Variants in BOLL observed in about 807,000 individuals in gnomAD.
BOLL encodes boule RNA binding protein.
A neutral mutation model predicts 44.4 loss-of-function variants in BOLL; 23 were observed. That is an observed-to-expected ratio of 0.52 (90% CI 0.37 to 0.73). The LOEUF (loss-of-function observed/expected upper bound fraction) is 0.73, where lower values mean the gene tolerates loss of function less well. Among genes scored for constraint, BOLL ranks in the 30% least tolerant of loss-of-function variants. BOLL has a pLI of 0.00. For synonymous variants in BOLL, 97 were observed against 110.8 expected (o/e 0.88, Z 0.78); for missense variants, 287 against 338.3 (o/e 0.85, Z 1.19).
upstream of BOLL, among the ~76,000 whole-genome samples, chr2:197,785,723 C>G (rs963264916): frequency 5.9e-5 from 9 of 152,218 alleles, 1 homozygote; most frequent in African/African-American, 1.7e-4. This position sits in a 1 kb window ranked among gnomAD's most constrained non-coding sequence, Gnocchi z 6.7. Flanking sequence ...GAAACATCCA[C>G]GCCTGAGGTC....
chr2:197,765,257 C>T (rs1057079998), intron 7 of BOLL, among the ~76,000 whole-genome samples: 8 of 151,536 alleles, frequency 5.3e-5, no homozygotes, highest in African/African-American at 1.9e-4. Context: ...ATGGGTGCAT[C>T]AAAATCTCAC....
chr2:197,768,061 T>C (rs1689075885), intron 6 of BOLL, among the ~76,000 whole-genome samples: 1 of 152,062 alleles, frequency 6.6e-6, no homozygotes, highest in Admixed American at 6.6e-5. Context: ...AGATTATCAC[T>C]ATTGAAAAAT....
At chr2:197,754,646 G>A (rs1228762240) in intron 9 of BOLL, among the ~76,000 whole-genome samples, 1 of 151,838 alleles carries the variant, frequency 6.6e-6, no homozygotes, top group Non-Finnish European at 1.5e-5. Context: ...CCTGGGAGGT[G>A]GAGGTTGCAG....
At chr2:197,775,783 A>G (rs1383056971) in intron 4 of BOLL, 43 bp from the exon 5 acceptor site, 1 of 1,190,332 alleles carries the variant, frequency 8.4e-7, no homozygotes, top group East Asian at 2.7e-5. Flanking sequence ...TTTTAGCACT[A>G]TTATTTATAA....
chr2:197,751,903 A>T (rs1688276940), intron 9 of BOLL, among the ~76,000 whole-genome samples: 1 of 152,156 alleles, frequency 6.6e-6, no homozygotes, highest in Non-Finnish European at 1.5e-5. Context: ...AATCCTCAAT[A>T]AAATACTGGC....
At chr2:197,783,338 T>A (rs1403108407) in intron 1 of BOLL, among the ~76,000 whole-genome samples, 1 of 152,180 alleles carries the variant, frequency 6.6e-6, no homozygotes, top group Non-Finnish European at 1.5e-5. Context: ...ATAATTCCAA[T>A]TCTCTGAGAA....
chr2:197,731,788 C>A (rs1352988019), intron 10 of BOLL, among the ~76,000 whole-genome samples: 2 of 151,252 alleles, frequency 1.3e-5, no homozygotes, highest in African/African-American at 4.9e-5. Context: ...CACAACATAC[C>A]AGAATCTCTG....
chr2:197,764,925 T>TCCACTGAG (rs1351272757), intron 7 of BOLL, among the ~76,000 whole-genome samples: 1 of 151,904 alleles, frequency 6.6e-6, no homozygotes, highest in Non-Finnish European at 1.5e-5. Context: ...ACAGATGTTT[T>TCCACTGAG]CCACTGAGCA....
chr2:197,739,330 T>C (rs886925916), intron 10 of BOLL, among the ~76,000 whole-genome samples: 1 of 152,188 alleles, frequency 6.6e-6, no homozygotes, highest in Non-Finnish European at 1.5e-5. Flanking sequence ...GGCGTGATCA[T>C]AGCTCACTGT....
chr2:197,751,894 A>G (rs1688276405), intron 9 of BOLL, among the ~76,000 whole-genome samples: 1 of 152,172 alleles, frequency 6.6e-6, no homozygotes, highest in Non-Finnish European at 1.5e-5. Flanking sequence ...CGAAGCAAAA[A>G]TCCTCAATAA....
intron 10 of BOLL, among the ~76,000 whole-genome samples, chr2:197,738,688 A>G (rs1475470800): frequency 6.6e-6 from 1 of 152,164 alleles, no homozygotes; most frequent in Non-Finnish European, 1.5e-5. Context: ...AACATTCATG[A>G]GTTGTAATCA....
chr2:197,783,484 G>C (rs905148430), intron 1 of BOLL, among the ~76,000 whole-genome samples: 17 of 152,130 alleles, frequency 1.1e-4, no homozygotes, highest in African/African-American at 3.6e-4. Context: ...GAAATGACTA[G>C]GGCAGGAGTG....
chr2:197,774,052 A>G (rs753857012), intron 5 of BOLL: 8 of 461,908 alleles, frequency 1.7e-5, no homozygotes, highest in South Asian at 1.3e-4. Flanking sequence ...ACAGTCCTGC[A>G]TTTGAAGGCT....
chr2:197,762,358 A>G (rs1688798361), intron 7 of BOLL, among the ~76,000 whole-genome samples: 2 of 152,144 alleles, frequency 1.3e-5, no homozygotes, highest in Non-Finnish European at 2.9e-5. Flanking sequence ...AGAAAAAAAG[A>G]AAAGAAACAA....
intron 10 of BOLL, among the ~76,000 whole-genome samples, chr2:197,740,606 C>T (rs1347186499): frequency 6.6e-6 from 1 of 152,086 alleles, no homozygotes; most frequent in East Asian, 1.9e-4. Flanking sequence ...TTGTTTTCAC[C>T]TCCCCATAAA....
intron 9 of BOLL, among the ~76,000 whole-genome samples, chr2:197,754,585 G>T (rs1399801125): frequency 6.6e-6 from 1 of 151,990 alleles, no homozygotes. Flanking sequence ...ATGGTGGCAC[G>T]TGCCTGTAGT....
At chr2:197,766,107 C>T (rs545328997) in intron 7 of BOLL, among the ~76,000 whole-genome samples, 2 of 152,036 alleles carry the variant, frequency 1.3e-5, no homozygotes, top group South Asian at 4.1e-4. Flanking sequence ...GATAGGCATT[C>T]CATGTCTTTG....
intron 10 of BOLL, 33 bp from the exon 11 acceptor site, chr2:197,728,611 G>T: frequency 6.9e-7 from 1 of 1,449,450 alleles, no homozygotes; most frequent in Non-Finnish European, 9.6e-7. Flanking sequence ...AGATCAGGAA[G>T]ACTGAATGGA....
chr2:197,762,269 G>A (rs1688794410), intron 7 of BOLL, among the ~76,000 whole-genome samples: 1 of 152,124 alleles, frequency 6.6e-6, no homozygotes, highest in African/African-American at 2.4e-5. Context: ...GCTTGAACCT[G>A]GGAGGCGGAG....
Sources: gnomAD v4.1 joint callset for allele counts (sites outside exome capture counted in the v4.1 genomes callset) on GRCh38, gnomAD v4.1.1 for gene constraint, Gnocchi (gnomAD v3.1) non-coding constraint, MANE v1.5 for transcripts, NCBI Gene and HGNC (gene_info 2026-07-23, HGNC 2026-07-21) for gene names.